Variants in LAP3 observed in about 807,000 individuals in gnomAD.
LAP3 encodes the protein leucine aminopeptidase 3.
Under a neutral mutation model 58.8 loss-of-function variants are expected in LAP3, and 46 were observed. The observed-to-expected ratio is 0.78, with a 90% CI of 0.62 to 1.00. LAP3 has a LOEUF of 1.00. LAP3 is among the 50% of genes least tolerant of loss of function. The pLI is 0.00. For synonymous variants in LAP3, 257 were observed against 237.7 expected (o/e 1.08, Z -0.75); for missense variants, 615 against 659.1 (o/e 0.93, Z 0.73).
intron 1 of LAP3, among the ~76,000 whole-genome samples, chr4:17,578,262 C>T (rs1713265317): frequency 1.3e-5 from 2 of 152,166 alleles, no homozygotes; most frequent in African/African-American, 4.8e-5. Flanking sequence ...GAGCTCCAGT[C>T]TCCTGCAGGT....
chr4:17,598,033 A>G (rs1055546502), intron 9 of LAP3, among the ~76,000 whole-genome samples: 1 of 152,212 alleles, frequency 6.6e-6, no homozygotes, highest in Admixed American at 6.5e-5. Context: ...CATTTTTGGA[A>G]ATCTTTACAT....
Position 17,590,776 on chromosome 4 carries a change from T to A in LAP3, c.863+1799T>A, listed in dbSNP as rs528618237. 4.0e-4 allele frequency among the ~76,000 whole-genome samples: 61 copies of A among 152,162 alleles called. No individual in the cohort carries two copies. In the East Asian group the frequency reaches 8.7e-3, roughly 22 times the overall value. On this transcript the variant is annotated intron_variant, in intron 7 of 12. Transcript: ENST00000226299. ...TTAGTAGAGATGGGGTTTCAGCTTGTTAGCCAGGTGGTCTCGATCTCCTGA... is the reference window on the plus strand; with the variant it reads ...TTAGTAGAGATGGGGTTTCAGCTTGATAGCCAGGTGGTCTCGATCTCCTGA...
At chr4:17,601,380 T>C (rs1713977416) in intron 10 of LAP3, among the ~76,000 whole-genome samples, 1 of 152,190 alleles carries the variant, frequency 6.6e-6, no homozygotes. Flanking sequence ...CTTAAATACT[T>C]ATGTCTGCCA....
At chr4:17,577,931 A>T (rs1327377263) in intron 1 of LAP3, among the ~76,000 whole-genome samples, 1 of 152,140 alleles carries the variant, frequency 6.6e-6, no homozygotes, top group African/African-American at 2.4e-5. Context: ...TGCCAAGGTG[A>T]AAGGGTTTCT....
At chr4:17,583,427 G>A in intron 4 of LAP3, 56 bp from the exon 5 acceptor site, 14 of 1,598,138 alleles carry the variant, frequency 8.8e-6, no homozygotes, top group Non-Finnish European at 1.2e-5. Context: ...TCTGCTGTCT[G>A]CTCTTTGAGT....
At chr4:17,581,265 T>C (rs1317113864) in intron 2 of LAP3, among the ~76,000 whole-genome samples, 1 of 152,228 alleles carries the variant, frequency 6.6e-6, no homozygotes, top group Non-Finnish European at 1.5e-5. Context: ...CTTGTGGCTT[T>C]TATTGAAAAA....
rs150943244 is a variant in LAP3 at position 17,597,094 on chromosome 4, C to T, written c.1037C>T (p.Pro346Leu). The T allele has an allele frequency of 1.2e-6, 2 of 1,614,212 alleles. No homozygotes were observed. Among genetic ancestry groups the T allele is most frequent in the Non-Finnish European group, 8.5e-7 (1 of 1,180,034 alleles). Residue 346 changes from proline (P) to leucine (L), a missense_variant, in exon 9 of 13, where the codon CCG becomes CTG. Physicochemically the swap from Pro to Leu is moderately conservative, Grantham distance 98. Transcript: ENST00000226299. The part of the protein sequence containing the change: ...ENMPSGKANK[P>L]GDVVRAKNGK... Reference sequence around the variant, plus strand: ...ATGCCCAGCGGCAAGGCCAACAAGCCGGGGGATGTTGTTAGAGCCAAAAAC... The same window carrying T: ...ATGCCCAGCGGCAAGGCCAACAAGCTGGGGGATGTTGTTAGAGCCAAAAAC...
At chr4:17,600,707 G>A (rs1026060378) in intron 10 of LAP3, among the ~76,000 whole-genome samples, 2 of 152,126 alleles carry the variant, frequency 1.3e-5, no homozygotes, top group Non-Finnish European at 2.9e-5. Context: ...AGCCCCTTCT[G>A]AGTTCCAGAA....
chr4:17,586,284 C>A (rs1002825948), intron 6 of LAP3: 2 of 152,012 alleles, frequency 1.3e-5, no homozygotes, highest in African/African-American at 4.8e-5. Flanking sequence ...AGTTGTTTCC[C>A]AAGGGTACTT....
chr4:17,595,166 G>A (rs561617300), intron 7 of LAP3, among the ~76,000 whole-genome samples: 1 of 150,762 alleles, frequency 6.6e-6, no homozygotes, highest in East Asian at 2.0e-4. Flanking sequence ...AGGCATGGTG[G>A]CAGCTGGGAC....
intron 10 of LAP3, among the ~76,000 whole-genome samples, chr4:17,603,262 C>T (rs890846916): frequency 2.6e-5 from 4 of 151,790 alleles, no homozygotes; most frequent in African/African-American, 9.7e-5. Context: ...GAGCTGAGAT[C>T]GCACCACTGC....
At chr4:17,578,512 C>T (rs1210411029) in intron 1 of LAP3, among the ~76,000 whole-genome samples, 2 of 149,044 alleles carry the variant, frequency 1.3e-5, no homozygotes, top group South Asian at 2.1e-4. Context: ...AACTGCTGGG[C>T]GGGAAGACAT....
chr4:17,606,838 G>C lies in LAP3; in HGVS notation c.1270G>C (p.Glu424Gln). Residue 424 changes from glutamate to glutamine, a missense_variant, in exon 12 of 13, where the codon GAA becomes CAA. Physicochemically the swap from Glu to Gln is conservative, Grantham distance 29 (BLOSUM62 2). Coordinates refer to ENST00000226299, the MANE Select transcript of LAP3 (RefSeq NM_015907.3). ...CATACCTGTTCTCTAGGCCAGCATT[G>C]AAACAGGGGACCGTGTCTGGAGGAT... ...LWNKLFEASI[E>Q]TGDRVWRMPL... 6.2e-7 allele frequency: 1 copy of C among 1,610,734 alleles called. No individual in the cohort carries two copies. The highest frequency in any genetic ancestry group is 8.5e-7 in the Non-Finnish European group (1 of 1,179,094).
chr4:17,588,082 C>A (rs1713575603), intron 6 of LAP3, among the ~76,000 whole-genome samples: 1 of 151,820 alleles, frequency 6.6e-6, no homozygotes, highest in Non-Finnish European at 1.5e-5. Context: ...AGGTTGGGTG[C>A]TGTGGCGAGA....
intron 10 of LAP3, among the ~76,000 whole-genome samples, chr4:17,603,243 G>A (rs1202818630): frequency 3.9e-5 from 6 of 151,920 alleles, no homozygotes; most frequent in African/African-American, 1.4e-4. Context: ...GGGAGGTGGA[G>A]GTTGCAGTGA....
At chr4:17,599,223 C>T (rs1713926522) in intron 10 of LAP3, among the ~76,000 whole-genome samples, 1 of 152,132 alleles carries the variant, frequency 6.6e-6, no homozygotes, top group African/African-American at 2.4e-5. Context: ...GCCAGATCAG[C>T]TCATCTAGAG....
At chr4:17,597,366 C>G (rs892291748) in intron 9 of LAP3, among the ~76,000 whole-genome samples, 6 of 152,176 alleles carry the variant, frequency 3.9e-5, no homozygotes, top group Non-Finnish European at 8.8e-5. Context: ...GCCTTGACCT[C>G]CCCAGGCTCA....
At chr4:17,603,505 C>CT (rs112112721) in intron 10 of LAP3, among the ~76,000 whole-genome samples, 59 of 137,070 alleles carry the variant, frequency 4.3e-4, no homozygotes, top group Non-Finnish European at 4.9e-4. Context: ...AGCAAGAAAT[C>CT]TTTTTTTTTT....
At chr4:17,592,960 G>A (rs2109021436) in intron 7 of LAP3, among the ~76,000 whole-genome samples, 1 of 152,236 alleles carries the variant, frequency 6.6e-6, no homozygotes, top group East Asian at 1.9e-4. Context: ...CACCATGCCT[G>A]GCTAATTTTT....
Sources: allele counts gnomAD v4.1 joint callset (sites outside exome capture counted in the v4.1 genomes callset), GRCh38; gene constraint gnomAD v4.1.1; transcripts MANE v1.5; gene names NCBI Gene and HGNC (gene_info 2026-07-23, HGNC 2026-07-21).